LRRC7: variants seen among roughly 807,000 people sequenced by gnomAD.
The protein encoded by LRRC7 is leucine rich repeat containing 7.
LRRC7 carries 23 observed loss-of-function variants against 175.7 expected under a neutral mutation model. The ratio of observed to expected loss-of-function variants is 0.13; its 90% CI spans 0.09 to 0.19. The LOEUF is 0.19. LRRC7 is among the 10% of genes least tolerant of loss of function. The pLI is 1.00. For synonymous variants in LRRC7, 685 were observed against 680.9 expected (o/e 1.01, Z -0.09); for missense variants, 1,354 against 1,904.7 (o/e 0.71, Z 5.38).
At chr1:69,910,887 A>G (rs970040996) in intron 7 of LRRC7, among the ~76,000 whole-genome samples, 26 of 152,132 alleles carry the variant, frequency 1.7e-4, no homozygotes, top group African/African-American at 2.4e-5. Context: ...TTGCCTAATC[A>G]AGCCTGGGCA....
chr1:70,058,627 T>C (rs967536231), intron 23 of LRRC7, among the ~76,000 whole-genome samples: 3 of 152,220 alleles, frequency 2.0e-5, no homozygotes, highest in Admixed American at 2.0e-4. Context: ...TGCTTTAATG[T>C]ATTTCTTTAT....
chr1:69,902,015 A>C (rs1053133514), intron 7 of LRRC7, among the ~76,000 whole-genome samples: 2 of 152,192 alleles, frequency 1.3e-5, no homozygotes, highest in Admixed American at 1.3e-4. Context: ...GTATGATAGA[A>C]TGTATGCTCC....
At chr1:70,055,704 A>G (rs1156233193) in intron 23 of LRRC7, among the ~76,000 whole-genome samples, 1 of 152,126 alleles carries the variant, frequency 6.6e-6, no homozygotes, top group Non-Finnish European at 1.5e-5. Context: ...AGTGCTATAT[A>G]CCTTTAAACA....
At chr1:69,780,849 C>T (rs1673400778) in intron 3 of LRRC7, among the ~76,000 whole-genome samples, 2 of 152,280 alleles carry the variant, frequency 1.3e-5, no homozygotes, top group Middle Eastern at 3.4e-3. Flanking sequence ...GTGAAATCTA[C>T]ATGTGCCTAC....
At chr1:69,842,682 A>G (rs1006361412) in intron 7 of LRRC7, among the ~76,000 whole-genome samples, 2 of 152,146 alleles carry the variant, frequency 1.3e-5, no homozygotes, top group Admixed American at 1.3e-4. Flanking sequence ...TTGTTGGAAG[A>G]AGTTCTAAGT....
At chr1:70,113,954 C>T (rs181268049) in intron 26 of LRRC7, among the ~76,000 whole-genome samples, 1 of 152,066 alleles carries the variant, frequency 6.6e-6, no homozygotes, top group Admixed American at 6.5e-5. Context: ...ACTAACTGGG[C>T]CATGTATGTG....
intron 1 of LRRC7, among the ~76,000 whole-genome samples, chr1:69,657,662 A>T (rs1283478637): frequency 6.6e-6 from 1 of 151,964 alleles, no homozygotes; most frequent in East Asian, 1.9e-4. Context: ...GTAAGAAGAG[A>T]TAAAAGCAGA....
intron 7 of LRRC7, among the ~76,000 whole-genome samples, chr1:69,912,228 A>G (rs1646553691): frequency 6.6e-6 from 1 of 152,174 alleles, no homozygotes; most frequent in Admixed American, 6.5e-5. Context: ...AATAAAATAT[A>G]GCCAGAAAAC....
intron 7 of LRRC7, among the ~76,000 whole-genome samples, chr1:69,928,050 G>T (rs1290884240): frequency 6.6e-6 from 1 of 152,160 alleles, no homozygotes; most frequent in Non-Finnish European, 1.5e-5. Flanking sequence ...CAGGTCTGTT[G>T]GAGTTTGCTA....
chr1:69,579,681 A>G (rs1230681850), intron 1 of LRRC7, among the ~76,000 whole-genome samples: 1 of 152,134 alleles, frequency 6.6e-6, no homozygotes, highest in Non-Finnish European at 1.5e-5. Context: ...AGCCATTAGC[A>G]CAGTTTCCCT....
At chr1:69,820,430 A>T (rs1456284117) in intron 4 of LRRC7, among the ~76,000 whole-genome samples, 1 of 152,116 alleles carries the variant, frequency 6.6e-6, no homozygotes, top group Non-Finnish European at 1.5e-5. Flanking sequence ...CAGGTTTGTT[A>T]TGTAGGTATA....
intron 7 of LRRC7, among the ~76,000 whole-genome samples, chr1:69,910,202 C>T (rs137861900): frequency 1.1e-4 from 16 of 152,290 alleles, no homozygotes; most frequent in African/African-American, 2.2e-4. Context: ...AGTCATTCTC[C>T]GTCCAGCTTT....
At chr1:69,640,556 T>C (rs181286188) in intron 1 of LRRC7, among the ~76,000 whole-genome samples, 26 of 151,142 alleles carry the variant, frequency 1.7e-4, no homozygotes, top group African/African-American at 5.1e-4. Flanking sequence ...AACATAGATA[T>C]TTTAATTTAT....
At chr1:69,972,819 G>A (rs1366740195) in intron 8 of LRRC7, among the ~76,000 whole-genome samples, 4 of 151,528 alleles carry the variant, frequency 2.6e-5, no homozygotes, top group Middle Eastern at 3.4e-3. Context: ...ACTTGCACAC[G>A]CATGTTTATA....
intron 3 of LRRC7, among the ~76,000 whole-genome samples, chr1:69,762,573 A>G (rs1441820363): frequency 6.6e-6 from 1 of 151,934 alleles, no homozygotes; most frequent in East Asian, 1.9e-4. Flanking sequence ...AGGTGCATGG[A>G]TGTGGATGGG....
In LRRC7 at chr1:69,678,387, G is replaced by A. The variant is rs762927146; in HGVS notation, c.9G>A (p.Glu3=). The A allele has an allele frequency of 6.3e-7, 1 of 1,589,858 alleles. No individual in the cohort carries two copies. Among genetic ancestry groups the A allele is most frequent in the Non-Finnish European group, 8.6e-7 (1 of 1,166,542 alleles). ...TTCTGATTCTCTCTTATAGGATGGAGAACCTAATAAGGGGAAGGAATCCCC... is the reference window on the plus strand; with the variant it reads ...TTCTGATTCTCTCTTATAGGATGGAAAACCTAATAAGGGGAAGGAATCCCC... MM[E]NLIRGRNPPQ... The change falls in exon 2 of 27, where the codon GAG becomes GAA. Residue 3 remains glutamate, a synonymous_variant. Transcript: ENST00000651989.
chr1:69,590,956 CAAG>C (rs1159135662), intron 1 of LRRC7, among the ~76,000 whole-genome samples: 2 of 151,918 alleles, frequency 1.3e-5, no homozygotes, highest in Admixed American at 6.6e-5. Flanking sequence ...ATGTCAGAGA[CAAG>C]TATTATTATT....
intron 4 of LRRC7, among the ~76,000 whole-genome samples, chr1:69,800,781 A>C (rs1676384665): frequency 6.6e-6 from 1 of 151,852 alleles, no homozygotes; most frequent in South Asian, 2.1e-4. Context: ...TATATTGAAG[A>C]GAGTAGTGAA....
chr1:69,871,551 TA>T (rs1197649051), intron 7 of LRRC7, among the ~76,000 whole-genome samples: 1 of 152,036 alleles, frequency 6.6e-6, no homozygotes, highest in Non-Finnish European at 1.5e-5. Flanking sequence ...ATTTAAAATA[TA>T]AAAATATAAT....
Sources: allele counts gnomAD v4.1 joint callset (sites outside exome capture counted in the v4.1 genomes callset), GRCh38; gene constraint gnomAD v4.1.1; transcripts MANE v1.5; gene names NCBI Gene and HGNC (gene_info 2026-07-23, HGNC 2026-07-21).